Variants in GRM8 observed in about 807,000 individuals in gnomAD.
The protein encoded by GRM8 is metabotropic glutamate receptor 8.
In GRM8, 47 loss-of-function variants were observed where a neutral mutation model predicts 87.2. The ratio of observed to expected loss-of-function variants is 0.54; its 90% confidence interval spans 0.43 to 0.69. The LOEUF is 0.69. Ranked by LOEUF, GRM8 falls within the 30% of genes least tolerant of loss-of-function variation. GRM8 has a pLI of 0.00. For missense variants in GRM8, 1,019 were observed against 1,139.2 expected (o/e 0.89, Z 1.52); for synonymous variants, 396 against 404.5 (o/e 0.98, Z 0.25).
chr7:126,485,035 T>C (rs1328807513), intron 9 of GRM8, among the ~76,000 whole-genome samples: 1 of 152,070 alleles, frequency 6.6e-6, no homozygotes, highest in Non-Finnish European at 1.5e-5. Flanking sequence ...TCGAGTTGGT[T>C]ATCAGACTAA....
chr7:126,459,570 G>A (rs989811308), intron 9 of GRM8, among the ~76,000 whole-genome samples: 1 of 151,506 alleles, frequency 6.6e-6, no homozygotes, highest in Non-Finnish European at 1.5e-5. Context: ...CAATTTTTCT[G>A]ATGTTTAATC....
chr7:126,970,961 A>C (rs7800969), intron 3 of GRM8, among the ~76,000 whole-genome samples: 4,480 of 152,140 alleles, frequency 0.029, 216 homozygotes, highest in African/African-American at 0.1. Flanking sequence ...AACATTTTTC[A>C]ATCAAGTTCA....
At chr7:126,853,505 T>C (rs1025405192) in intron 6 of GRM8, among the ~76,000 whole-genome samples, 19 of 152,178 alleles carry the variant, frequency 1.2e-4, no homozygotes, top group African/African-American at 4.1e-4. Context: ...GTTAGGACTC[T>C]TCCTGGACCC....
At chr7:127,027,634 T>G (rs1236909018) in intron 3 of GRM8, among the ~76,000 whole-genome samples, 1 of 152,122 alleles carries the variant, frequency 6.6e-6, no homozygotes, top group Non-Finnish European at 1.5e-5. Context: ...TGGCTGTTTG[T>G]CTGTTATTGG....
intron 9 of GRM8, among the ~76,000 whole-genome samples, chr7:126,488,690 C>A (rs550063925): frequency 5.9e-5 from 9 of 152,038 alleles, no homozygotes; most frequent in South Asian, 4.1e-4. Context: ...TATGTACTCA[C>A]TTATATACTA....
At chr7:126,512,160 T>C (rs1188562116) in intron 9 of GRM8, 4 of 152,146 alleles carry the variant, frequency 2.6e-5, no homozygotes, top group East Asian at 3.9e-4. Context: ...GGCCATTGTG[T>C]ATACCTCCCC....
At chr7:127,112,732 C>T (rs980303797) in intron 2 of GRM8, among the ~76,000 whole-genome samples, 4 of 152,192 alleles carry the variant, frequency 2.6e-5, no homozygotes, top group Admixed American at 6.5e-5. Flanking sequence ...CACCGAAGTG[C>T]CGCTTCAGTT....
intron 1 of GRM8, among the ~76,000 whole-genome samples, chr7:127,244,998 C>G (rs142156461): frequency 7.2e-5 from 11 of 152,248 alleles, no homozygotes; most frequent in African/African-American, 2.6e-4. Flanking sequence ...AAAATACTTT[C>G]TGATTTTTCT....
At chr7:126,763,975 A>C (rs138869104) in intron 7 of GRM8, among the ~76,000 whole-genome samples, 1 of 151,900 alleles carries the variant, frequency 6.6e-6, no homozygotes. Context: ...AAAATATTTT[A>C]AATAATTTTT....
rs1391194023 is a variant in GRM8, at chr7:127,133,941, A to C, written c.511-27229T>G. Among the ~76,000 whole-genome samples the C allele has an allele frequency of 2.0e-5, 3 of 152,160 alleles. No individual in the cohort carries two copies. In the East Asian group the frequency reaches 5.8e-4, roughly 29 times the overall value. ...TTTATTGAGACAGATGCACTCATTA[A>C]GCACATGAACTTTGGCATCCAGGCA... On this transcript the variant is annotated intron_variant, in intron 2 of 10. Transcript: ENST00000339582.
At chr7:127,067,657 C>T (rs1167555912) in intron 3 of GRM8, among the ~76,000 whole-genome samples, 5 of 152,192 alleles carry the variant, frequency 3.3e-5, no homozygotes, top group African/African-American at 9.6e-5. Context: ...AAATGTCTCC[C>T]CTTTGTTTTA....
At chr7:126,864,113 C>T (rs1455341972) in intron 6 of GRM8, among the ~76,000 whole-genome samples, 2 of 147,260 alleles carry the variant, frequency 1.4e-5, no homozygotes, top group Non-Finnish European at 3.0e-5. Context: ...TCAAGCAATC[C>T]TCCTGCCTCA....
chr7:126,656,474 C>T (rs941398829), intron 7 of GRM8, among the ~76,000 whole-genome samples: 6 of 151,952 alleles, frequency 3.9e-5, no homozygotes, highest in Admixed American at 2.0e-4. Flanking sequence ...GTCAGGAGAT[C>T]GAGACCAACC....
At chr7:126,882,089 C>T (rs1800076548) in intron 6 of GRM8, among the ~76,000 whole-genome samples, 1 of 152,182 alleles carries the variant, frequency 6.6e-6, no homozygotes, top group African/African-American at 2.4e-5. Flanking sequence ...CATTCCTCTT[C>T]CTTCCACTCA....
chr7:127,048,136 A>G (rs1417133162), intron 3 of GRM8, among the ~76,000 whole-genome samples: 1 of 152,250 alleles, frequency 6.6e-6, no homozygotes, highest in Admixed American at 6.5e-5. Flanking sequence ...GAAAAAAGGA[A>G]CACACAGAAA....
chr7:127,145,754 C>A (rs760000247), intron 2 of GRM8, among the ~76,000 whole-genome samples: 1 of 152,004 alleles, frequency 6.6e-6, no homozygotes, highest in Non-Finnish European at 1.5e-5. Flanking sequence ...GAAAACGGAA[C>A]AAACCCTGCT....
intron 9 of GRM8, among the ~76,000 whole-genome samples, chr7:126,464,686 T>A (rs1804293328): frequency 6.6e-6 from 1 of 151,666 alleles, no homozygotes; most frequent in Non-Finnish European, 1.5e-5. Flanking sequence ...ATCATCTTAT[T>A]TTTTTAGACT....
chr7:127,222,236 T>A (rs1419982516), intron 2 of GRM8, among the ~76,000 whole-genome samples: 1 of 152,160 alleles, frequency 6.6e-6, no homozygotes, highest in African/African-American at 2.4e-5. Flanking sequence ...CAAAATCCCA[T>A]CTTTGCAAAA....
At chr7:126,607,047 A>G (rs1798431266) in intron 8 of GRM8, among the ~76,000 whole-genome samples, 1 of 152,248 alleles carries the variant, frequency 6.6e-6, no homozygotes, top group African/African-American at 2.4e-5. Flanking sequence ...AAAGTCAGAT[A>G]AAAAGCTTTC....
Sources: gnomAD v4.1 joint callset for allele counts (sites outside exome capture counted in the v4.1 genomes callset) on GRCh38, gnomAD v4.1.1 for gene constraint, MANE v1.5 for transcripts, NCBI Gene and HGNC (gene_info 2026-07-23, HGNC 2026-07-21) for gene names.